Variants in RICTOR observed in about 807,000 individuals in gnomAD.
The protein encoded by RICTOR is RPTOR independent companion of MTOR complex 2.
RICTOR carries 49 observed loss-of-function variants against 214.9 expected under a neutral mutation model. That is an observed-to-expected ratio of 0.23 (90% confidence interval 0.18 to 0.29). The LOEUF is 0.29. Ranked by LOEUF, RICTOR falls within the 10% of genes least tolerant of loss-of-function variation. The pLI is 1.00. For synonymous variants in RICTOR, 717 were observed against 711.3 expected, an observed-to-expected ratio of 1.01 and a Z score of -0.13; for missense variants, 1,625 against 2,047.0, an observed-to-expected ratio of 0.79 and a Z score of 3.98.
At chr5:39,023,485 A>G (rs1483210989) in intron 2 of RICTOR, among the ~76,000 whole-genome samples, 1 of 152,250 alleles carries the variant, frequency 6.6e-6, no homozygotes, top group African/African-American at 2.4e-5. Context: ...ATATGGCCTT[A>G]TAGGCAGTAG....
At chr5:39,073,104 G>T (rs1357151069) in intron 2 of RICTOR, among the ~76,000 whole-genome samples, 2 of 152,182 alleles carry the variant, frequency 1.3e-5, no homozygotes, top group Non-Finnish European at 2.9e-5. Context: ...GTAAAAAACT[G>T]ATCTCATACA....
chr5:39,072,199 C>A (rs1759374189), intron 2 of RICTOR, among the ~76,000 whole-genome samples: 2 of 152,110 alleles, frequency 1.3e-5, no homozygotes, highest in South Asian at 4.1e-4. Context: ...TCAGGGCAAG[C>A]CGAAAACAGC....
Position 38,990,692 on chromosome 5 carries a change from T to TATCA in RICTOR, c.583+256_583+257insTGAT, listed in dbSNP as rs1372635285. ...ATATATATCAGATATATCATATATATGATATATATCAGATATGATATATAT... is the reference window on the plus strand; with the variant it reads ...ATATATATCAGATATATCATATATATATCAGATATATATCAGATATGATATATAT... On this transcript the variant is annotated intron_variant, in intron 7 of 37. Transcript: ENST00000357387. Among the ~76,000 whole-genome samples the TATCA allele has an allele frequency of 8.8e-3, 303 of 34,552 alleles. 67 individuals are homozygous for TATCA. The highest frequency in any genetic ancestry group is 0.028 in the African/African-American group (293 of 10,466). 22.7% of individuals were successfully genotyped at this position (34,552 alleles called of 152,430 possible). A position where few individuals can be genotyped will look rare whatever the true frequency, so the allele number is the denominator to read the frequency against.
At chr5:38,969,627 C>T (rs1456493047) in intron 11 of RICTOR, 2 of 151,718 alleles carry the variant, frequency 1.3e-5, no homozygotes, top group East Asian at 3.9e-4. Flanking sequence ...CCATAAGCTC[C>T]ATGCACTGTA....
rs149000202 is a variant in RICTOR at position 38,991,512 on chromosome 5, T to C, written c.457-437A>G. 4.1e-3 allele frequency among the ~76,000 whole-genome samples: 567 copies of C among 138,756 alleles called. 5 individuals are homozygous for C. Among genetic ancestry groups the C allele is most frequent in the African/African-American group, 0.014 (541 of 37,496 alleles). 91.0% of individuals were successfully genotyped at this position (138,756 alleles called of 152,430 possible). A position where few individuals can be genotyped will look rare whatever the true frequency, so the allele number is the denominator to read the frequency against. On this transcript the variant is annotated intron_variant, in intron 6 of 37. Coordinates refer to ENST00000357387, the MANE Select transcript of RICTOR (RefSeq NM_152756.5). The stretch of plus-strand genomic sequence containing the variant: ...TACCAATTTACTTCCATAACATCTT[T>C]ATCTCTACTCCCCTCTCCTCATGAA...
intron 2 of RICTOR, among the ~76,000 whole-genome samples, chr5:39,023,079 C>T (rs967023483): frequency 6.6e-6 from 1 of 151,370 alleles, no homozygotes; most frequent in African/African-American, 2.4e-5. Context: ...TTAAAAGTAG[C>T]CAGATTAAAA....
At chr5:38,962,809 T>C in intron 17 of RICTOR, 67 bp downstream of exon 17, 4 of 1,361,696 alleles carry the variant, frequency 2.9e-6, no homozygotes, top group Non-Finnish European at 4.2e-6. Flanking sequence ...ACATGCATAC[T>C]AAAATCCAGT....
intron 11 of RICTOR, 52 bp from the exon 12 acceptor site, chr5:38,968,082 A>T: frequency 1.0e-6 from 1 of 1,000,654 alleles, no homozygotes; most frequent in Non-Finnish European, 1.6e-6. Context: ...CACTTTTAAG[A>T]TTTTTAAATG....
At chr5:38,970,717 T>C (rs1750707849) in intron 11 of RICTOR, 1 of 152,156 alleles carries the variant, frequency 6.6e-6, no homozygotes, top group Admixed American at 6.5e-5. Flanking sequence ...CTTTAAGAAT[T>C]CTCTTTTCCT....
At chr5:38,962,740 T>C in intron 17 of RICTOR, 136 bp downstream of exon 17, 1 of 841,374 alleles carries the variant, frequency 1.2e-6, no homozygotes, top group South Asian at 1.9e-5. Context: ...ATCTCCAAAT[T>C]ATAAAACTCA....
intron 7 of RICTOR, among the ~76,000 whole-genome samples, chr5:38,987,060 C>T (rs777265433): frequency 2.6e-5 from 4 of 152,168 alleles, no homozygotes; most frequent in East Asian, 1.9e-4. Flanking sequence ...AGCCTTGCAT[C>T]CCAGGGATGT....
intron 7 of RICTOR, among the ~76,000 whole-genome samples, chr5:38,986,206 T>C (rs1439417429): frequency 6.6e-6 from 1 of 152,146 alleles, no homozygotes; most frequent in Non-Finnish European, 1.5e-5. Context: ...TCTGAAGGTT[T>C]AAAAGTGACA....
intron 7 of RICTOR, among the ~76,000 whole-genome samples, chr5:38,983,712 C>T (rs1191815213): frequency 6.6e-6 from 1 of 152,054 alleles, no homozygotes; most frequent in Non-Finnish European, 1.5e-5. Context: ...GCCTGTAATC[C>T]CAGCACTTTG....
chr5:38,996,861 G>T lies in RICTOR; in HGVS notation c.414C>A (p.Ser138Arg). The T allele has an allele frequency of 6.2e-7, 1 of 1,610,054 alleles. No individual in the cohort carries two copies. Among genetic ancestry groups the T allele is most frequent in the Non-Finnish European group, 8.5e-7 (1 of 1,176,782 alleles). Residue 138 changes from serine to arginine, a missense_variant, in exon 6 of 38, where the codon AGC (serine) becomes AGA (arginine). By Grantham distance (110) the Ser-to-Arg change is moderately radical. Around this residue, in one of 5 missense-constraint regions of RICTOR, gnomAD observed 258 missense variants for 393.7 expected, o/e 0.66. Coordinates refer to ENST00000357387, the MANE Select transcript of RICTOR (RefSeq NM_152756.5). ...GTGCTTGTGTCCTCTCTACCTCGTT[G>T]CTCTGTTGTATGTCAATGCACCTAA... is the stretch of plus-strand genomic sequence containing the variant. ...LIARCIDIQQ[S>R]NEVERTQALR...
At chr5:39,005,628 C>T (rs1420001615) in intron 3 of RICTOR, among the ~76,000 whole-genome samples, 1 of 152,194 alleles carries the variant, frequency 6.6e-6, no homozygotes, top group East Asian at 1.9e-4. Context: ...TGGATCATCT[C>T]TGGATCTGTT....
intron 2 of RICTOR, among the ~76,000 whole-genome samples, chr5:39,038,373 G>A (rs1756902406): frequency 6.6e-6 from 1 of 152,126 alleles, no homozygotes; most frequent in Non-Finnish European, 1.5e-5. Flanking sequence ...ATACTGAATG[G>A]ACAAAAACTG....
At position 38,950,679 on chromosome 5, in the gene RICTOR, T is replaced by A; in HGVS notation, c.3169A>T (p.Thr1057Ser). ...TTGATATCAAGGAAAAATGTGCTAG[T>A]AGAGCTGCTGCCAAACCGGTCATCC... ...LEDDRFGSSSTSTFFLDINED... is the reference protein window; with the variant it reads ...LEDDRFGSSSSSTFFLDINED... The change falls in exon 31 of 38, where the codon ACT (threonine) becomes TCT (serine). Residue 1057 changes from threonine (T) to serine (S), a missense_variant. Around this residue, in one of 5 missense-constraint regions of RICTOR, gnomAD observed 1,214 missense variants for 1,470.5 expected, o/e 0.83. Transcript: ENST00000357387. 6.2e-7 allele frequency: 1 copy of A among 1,606,404 alleles called. No homozygotes were observed. The highest frequency in any genetic ancestry group is 8.5e-7 in the Non-Finnish European group (1 of 1,176,410).
At chr5:38,981,766 T>TA in intron 8 of RICTOR, 101 bp downstream of exon 8, 1 of 747,342 alleles carries the variant, frequency 1.3e-6, no homozygotes, top group Non-Finnish European at 2.1e-6. Context: ...TTAGGCTTGA[T>TA]AATTAATGTG....
intron 3 of RICTOR, among the ~76,000 whole-genome samples, chr5:39,020,609 T>A (rs1418355724): frequency 1.3e-5 from 2 of 152,234 alleles, no homozygotes; most frequent in Admixed American, 1.3e-4. Flanking sequence ...CTTTTTATAT[T>A]CACTGGGAAA....
Sources: gnomAD v4.1 joint callset for allele counts (sites outside exome capture counted in the v4.1 genomes callset) on GRCh38, gnomAD v4.1.1 for gene constraint, gnomAD v4.1.1 regional missense constraint, MANE v1.5 for transcripts, NCBI Gene and HGNC (gene_info 2026-07-23, HGNC 2026-07-21) for gene names.